Variants in ACSBG1 observed in about 807,000 individuals in gnomAD.
ACSBG1 encodes the protein acyl-CoA synthetase bubblegum family member 1.
Under a neutral mutation model 80.2 loss-of-function variants are expected in ACSBG1, and 39 were observed. The ratio of observed to expected loss-of-function variants is 0.49; its 90% CI spans 0.38 to 0.64. ACSBG1 has a LOEUF of 0.64. Among genes scored for constraint, ACSBG1 ranks in the 30% least tolerant of loss-of-function variants. The pLI is 0.00. For synonymous variants in ACSBG1, 392 were observed against 379.5 expected (o/e 1.03, Z -0.38); for missense variants, 828 against 966.4 (o/e 0.86, Z 1.90).
rs546229343 is a variant in ACSBG1, at chr15:78,217,925, A to G, written c.132-9823T>C. Among the ~76,000 whole-genome samples the G allele has an allele frequency of 1.6e-4, 24 of 152,230 alleles. No homozygotes were observed. In the South Asian group the frequency reaches 5.0e-3, roughly 32 times the overall value. On this transcript the variant is annotated intron_variant, in intron 1 of 13. Coordinates refer to ENST00000258873, the MANE Select transcript of ACSBG1 (RefSeq NM_015162.5). Reference sequence around the variant, plus strand: ...TAAATCGTAATCCAGGTGTTTTCATATGTTGTATTGATGACAGACACAGAG... The same window carrying G: ...TAAATCGTAATCCAGGTGTTTTCATGTGTTGTATTGATGACAGACACAGAG...
intron 2 of ACSBG1, among the ~76,000 whole-genome samples, chr15:78,205,674 C>T (rs111431557): frequency 7.2e-5 from 11 of 152,294 alleles, no homozygotes; most frequent in African/African-American, 2.2e-4. Flanking sequence ...CAAGAAAGTC[C>T]CTTAGCACAG....
intron 1 of ACSBG1, among the ~76,000 whole-genome samples, chr15:78,213,242 G>A (rs977093074): frequency 1.3e-5 from 2 of 152,196 alleles, no homozygotes; most frequent in Non-Finnish European, 2.9e-5. Context: ...GGCGATTCAC[G>A]CTAGCTTCCC....
intron 1 of ACSBG1, among the ~76,000 whole-genome samples, chr15:78,233,523 T>G (rs2075466413): frequency 6.6e-6 from 1 of 152,110 alleles, no homozygotes; most frequent in Non-Finnish European, 1.5e-5. Context: ...ATCCCCAAAC[T>G]TCCTGTCTTG....
At chr15:78,187,701 A>C (rs1369411609) in intron 5 of ACSBG1, among the ~76,000 whole-genome samples, 1 of 152,184 alleles carries the variant, frequency 6.6e-6, no homozygotes, top group African/African-American at 2.4e-5. Flanking sequence ...ATCTATGACA[A>C]ACCCACAGCC....
rs1027048683 is a variant in ACSBG1, at chr15:78,178,649, G to A, written c.1667C>T (p.Ala556Val). ...LHTGDAGRLD[A>V]DGFLYITGRL... is the part of the protein sequence containing the mutation. ...CCCAGTGATGTAGAGGAAGCCATCG[G>A]CGTCCAGGCGGCCAGCATCACCCGT... Residue 556 changes from alanine (A) to valine (V), a missense_variant, in exon 11 of 14, where the codon GCC becomes GTC. This residue lies in a region of ACSBG1 where 201 missense variants were observed against 227.0 expected (regional missense o/e 0.89). Transcript: ENST00000258873. This position sits in a 1 kb window ranked among gnomAD's most constrained non-coding sequence, Gnocchi z 4.3. 1.9e-6 allele frequency: 3 copies of A among 1,613,650 alleles called. No individual in the cohort carries two copies. Among genetic ancestry groups the A allele is most frequent in the African/African-American group, 1.3e-5 (1 of 74,950 alleles).
chr15:78,223,394 T>C (rs983005244), intron 1 of ACSBG1, among the ~76,000 whole-genome samples: 1 of 152,064 alleles, frequency 6.6e-6, no homozygotes, highest in African/African-American at 2.4e-5. Context: ...CATTTACCTA[T>C]GTAACAAACC....
intron 1 of ACSBG1, among the ~76,000 whole-genome samples, chr15:78,217,364 CAG>C (rs2075320795): frequency 6.6e-6 from 1 of 152,256 alleles, no homozygotes; most frequent in Admixed American, 6.5e-5. Flanking sequence ...CTTTGGTTAG[CAG>C]AGTCACAATA....
At position 78,185,052 on chromosome 15, in the gene ACSBG1, G is replaced by GGAGA. The variant is rs35144005; in HGVS notation, c.664-2271_664-2268dup. On this transcript the variant is annotated intron_variant, in intron 5 of 13. Transcript: ENST00000258873. ...AGGGAGAGAAAGGGGCGGAGGGGAGGGAGAGAGAGAGAGAGAGAGAGAGAG... is the reference window on the plus strand; with the variant it reads ...AGGGAGAGAAAGGGGCGGAGGGGAGGGAGAGAGAGAGAGAGAGAGAGAGAGAGAG... Among the ~76,000 whole-genome samples, 32 of 141,202 alleles carry GGAGA rather than the reference G, an allele frequency of 2.3e-4. No individual in the cohort carries two copies. The East Asian group carries it at 2.7e-3, about 12-fold the overall frequency. The allele number at this position is 141,202 out of a possible 152,430, so 92.6% of individuals were successfully genotyped here. A position where few individuals can be genotyped will look rare whatever the true frequency, so the allele number is the denominator to read the frequency against.
At chr15:78,184,138 G>A (rs905145762) in intron 5 of ACSBG1, among the ~76,000 whole-genome samples, 1 of 152,074 alleles carries the variant, frequency 6.6e-6, no homozygotes, top group Non-Finnish European at 1.5e-5. Context: ...AGGCAAAAAG[G>A]AATTTCAAAT....
chr15:78,215,747 A>AAAGAAAGAAAGG (rs2075304712), intron 1 of ACSBG1, among the ~76,000 whole-genome samples: 1 of 130,602 alleles, frequency 7.7e-6, no homozygotes, highest in Non-Finnish European at 1.8e-5. Flanking sequence ...AGAAAGAAAG[A>AAAGAAAGAAAGG]AAGAAAGAAA....
rs2074770715 is a variant in ACSBG1, at chr15:78,168,136, T to C, written c.*3308A>G. ...TTCCTAAAGAGGGAGGTTTAAGAGTTAATGATTTAGGCAGGTGTGGTGGTG... is the reference window on the plus strand; with the variant it reads ...TTCCTAAAGAGGGAGGTTTAAGAGTCAATGATTTAGGCAGGTGTGGTGGTG... On this transcript the variant is annotated 3_prime_UTR_variant, in exon 14 of 14. Coordinates refer to ENST00000258873, the MANE Select transcript of ACSBG1 (RefSeq NM_015162.5). 6.6e-6 allele frequency: 1 copy of C among 152,034 alleles called. No homozygotes were observed. The highest frequency in any genetic ancestry group is 1.5e-5 in the Non-Finnish European group (1 of 68,032). The allele number at this position is 152,034 out of a possible 1,614,324, so 9.4% of individuals were successfully genotyped here. A position where few individuals can be genotyped will look rare whatever the true frequency, so the allele number is the denominator to read the frequency against.
intron 1 of ACSBG1, among the ~76,000 whole-genome samples, chr15:78,228,316 C>T (rs1272361302): frequency 2.6e-5 from 4 of 152,170 alleles, no homozygotes; most frequent in African/African-American, 4.8e-5. Context: ...TGAAACTGTG[C>T]TTTTGCGGAG....
chr15:78,207,932 A>ACC, intron 2 of ACSBG1, 70 bp downstream of exon 2: 1 of 264,834 alleles, frequency 3.8e-6, no homozygotes, highest in Non-Finnish European at 7.6e-6. Context: ...CACACCACCC[A>ACC]CCCCTCCAGC....
chr15:78,182,652 G>T (rs1029419163), intron 6 of ACSBG1, 37 bp from the exon 7 acceptor site: 1 of 1,613,760 alleles, frequency 6.2e-7, no homozygotes, highest in Admixed American at 1.7e-5. Context: ...GGCTAGGTCA[G>T]CTGGGTGGGC....
chr15:78,226,247 C>T (rs1427866293), intron 1 of ACSBG1, among the ~76,000 whole-genome samples: 1 of 151,988 alleles, frequency 6.6e-6, no homozygotes, highest in African/African-American at 2.4e-5. Flanking sequence ...AAAGAAATCC[C>T]ACCACTTTTG....
Position 78,178,947 on chromosome 15 carries a change from A to C in ACSBG1, c.1485-116T>G, listed in dbSNP as rs2074912571. On this transcript the variant is annotated intron_variant, in intron 10 of 13. Transcript: ENST00000258873. The surrounding 1 kb of genome is among the most constrained non-coding windows in gnomAD (Gnocchi z 4.3). ...ACTGATTGCTAGAAGGTATCCCCTCACAGGGCTTTTGTATTTTTACAGGGG... is the reference window on the plus strand; with the variant it reads ...ACTGATTGCTAGAAGGTATCCCCTCCCAGGGCTTTTGTATTTTTACAGGGG... 1.9e-6 allele frequency: 2 copies of C among 1,065,680 alleles called. No homozygotes were observed. Among genetic ancestry groups the C allele is most frequent in the African/African-American group, 3.2e-5 (2 of 62,698 alleles). The allele number at this position is 1,065,680 out of a possible 1,614,324, so 66.0% of individuals were successfully genotyped here. A position where few individuals can be genotyped will look rare whatever the true frequency, so the allele number is the denominator to read the frequency against.
chr15:78,214,765 A>G, intron 1 of ACSBG1, among the ~76,000 whole-genome samples: 1 of 152,112 alleles, frequency 6.6e-6, no homozygotes, highest in East Asian at 1.9e-4. Flanking sequence ...AAGGCCAAGG[A>G]GCAGGGCACA....
At chr15:78,208,699 T>TA (rs1263538315) in intron 1 of ACSBG1, among the ~76,000 whole-genome samples, 1 of 152,184 alleles carries the variant, frequency 6.6e-6, no homozygotes, top group Admixed American at 6.5e-5. Flanking sequence ...AAGACAGACA[T>TA]AGACGGGTCC....
intron 11 of ACSBG1, among the ~76,000 whole-genome samples, chr15:78,175,340 G>C (rs1265186850): frequency 2.0e-5 from 3 of 152,352 alleles, no homozygotes; most frequent in South Asian, 4.1e-4. Flanking sequence ...ATTCAAAAAA[G>C]ATTAATTGGT....
Sources: gnomAD v4.1 joint callset for allele counts (sites outside exome capture counted in the v4.1 genomes callset) on GRCh38, gnomAD v4.1.1 for gene constraint, gnomAD v4.1.1 regional missense constraint, Gnocchi (gnomAD v3.1) non-coding constraint, MANE v1.5 for transcripts, NCBI Gene and HGNC (gene_info 2026-07-23, HGNC 2026-07-21) for gene names.